Variants in CRB1 observed in about 807,000 individuals in gnomAD.
The protein encoded by CRB1 is crumbs cell polarity complex component 1, also known as protein crumbs homolog 1.
CRB1 carries 83 observed loss-of-function variants against 120.0 expected under a neutral mutation model. The ratio of observed to expected loss-of-function variants is 0.69; its 90% CI spans 0.58 to 0.83. The LOEUF is 0.83. CRB1 is among the 40% of genes least tolerant of loss of function. The pLI is 0.00. For missense variants in CRB1, 1,699 were observed against 1,687.6 expected (o/e 1.01, Z -0.12); for synonymous variants, 625 against 612.5 (o/e 1.02, Z -0.30).
chr1:197,469,891 T>G (rs538762451), intron 11 of CRB1, among the ~76,000 whole-genome samples: 3 of 152,260 alleles, frequency 2.0e-5, no homozygotes, highest in Non-Finnish European at 2.9e-5. Context: ...TGTTTGTTGA[T>G]TTCACAAAAA....
chr1:197,443,947 T>C (rs188550560), intron 11 of CRB1: 2 of 152,196 alleles, frequency 1.3e-5, no homozygotes, highest in Non-Finnish European at 2.9e-5. Flanking sequence ...TATGAATTAA[T>C]TCAGAAAGCA....
chr1:197,398,007 A>G (rs185244698), intron 5 of CRB1, among the ~76,000 whole-genome samples: 144 of 152,282 alleles, frequency 9.5e-4, no homozygotes, highest in African/African-American at 3.3e-3. Context: ...TGAGATGTCC[A>G]TCCTAACCCC....
intron 5 of CRB1, among the ~76,000 whole-genome samples, chr1:197,397,292 G>C (rs2759660): frequency 0.069 from 10,441 of 152,072 alleles, 1,254 homozygotes; most frequent in African/African-American, 0.24. Flanking sequence ...GAAGGAGAGA[G>C]AGTAGGTTAT....
chr1:197,219,454 A>G, the CRB1 span, among the ~76,000 whole-genome samples: 6 of 152,344 alleles, frequency 3.9e-5, no homozygotes, highest in Middle Eastern at 3.4e-3. Context: ...TAAAAGAGAC[A>G]ATCCATGAGA....
chr1:197,367,420 T>C (rs1281366213), intron 5 of CRB1, among the ~76,000 whole-genome samples: 2 of 152,180 alleles, frequency 1.3e-5, no homozygotes, highest in South Asian at 2.1e-4. Flanking sequence ...TTATGCCAGA[T>C]AGAAGTTAGT....
At chr1:197,242,176 T>G in the CRB1 span, among the ~76,000 whole-genome samples, 1 of 152,168 alleles carries the variant, frequency 6.6e-6, no homozygotes, top group Non-Finnish European at 1.5e-5. Context: ...ATACCCTTTA[T>G]TTCTTTATCT....
intron 5 of CRB1, among the ~76,000 whole-genome samples, chr1:197,397,878 TGTG>T (rs1662851630): frequency 6.6e-6 from 1 of 152,278 alleles, no homozygotes; most frequent in South Asian, 2.1e-4. Flanking sequence ...ACAGCTCGAT[TGTG>T]GTGGTAGTCG....
chr1:197,250,871 G>A, the CRB1 span, among the ~76,000 whole-genome samples: 1 of 151,878 alleles, frequency 6.6e-6, no homozygotes, highest in Non-Finnish European at 1.5e-5. Flanking sequence ...TCTTTCCCTT[G>A]TGTCTCCTGG....
At chr1:197,310,293 T>C (rs1486326073) in intron 1 of CRB1, among the ~76,000 whole-genome samples, 1 of 151,918 alleles carries the variant, frequency 6.6e-6, no homozygotes. Context: ...TAGAAAAATA[T>C]AAAAAAAACC....
intron 11 of CRB1, chr1:197,442,698 A>G: frequency 2.3e-6 from 1 of 435,194 alleles, no homozygotes. Context: ...CAACACTTCT[A>G]TATGTGAATG....
intron 1 of CRB1, among the ~76,000 whole-genome samples, chr1:197,284,965 T>G (rs374117479): frequency 6.6e-6 from 1 of 151,940 alleles, no homozygotes; most frequent in Admixed American, 6.6e-5. Context: ...TGAAATCATG[T>G]TGTGTTACAG....
chr1:197,283,076 A>C (rs892729769), intron 1 of CRB1, among the ~76,000 whole-genome samples: 1 of 151,678 alleles, frequency 6.6e-6, no homozygotes, highest in African/African-American at 2.4e-5. Flanking sequence ...CTTAGTCAAA[A>C]GGTCATTTTT....
At chr1:197,349,496 T>TA (rs1659966851) in intron 4 of CRB1, among the ~76,000 whole-genome samples, 1 of 152,254 alleles carries the variant, frequency 6.6e-6, no homozygotes, top group East Asian at 1.9e-4. Flanking sequence ...GGCCTAGTTA[T>TA]ATAAGCTTAC....
At chr1:197,312,412 A>C (rs1657585191) in intron 1 of CRB1, among the ~76,000 whole-genome samples, 1 of 152,160 alleles carries the variant, frequency 6.6e-6, no homozygotes. Context: ...AAAAATACAA[A>C]AAAACAAAAC....
At chr1:197,470,977 T>C (rs530688196) in intron 11 of CRB1, among the ~76,000 whole-genome samples, 1 of 152,364 alleles carries the variant, frequency 6.6e-6, no homozygotes, top group South Asian at 2.1e-4. Context: ...TTGTTTAACC[T>C]GGAACTAGAA....
chr1:197,477,777 G>T lies in CRB1; in HGVS notation c.4119G>T (p.Arg1373Ser). ...IVASVVTSNK[R>S]ATQGTYSPSR... is the part of the protein sequence containing the mutation. ...CTTCTGTTGTCACCTCCAACAAAAG[G>T]GCAACTCAGGGAACCTACAGCCCCA... The change falls in exon 12 of 12, where the codon AGG becomes AGT. Residue 1373 changes from arginine to serine, a missense_variant. Physicochemically the swap from Arg to Ser is moderately radical, Grantham distance 110 (BLOSUM62 -1). Coordinates refer to ENST00000367400, the MANE Select transcript of CRB1 (RefSeq NM_201253.3). The T allele has an allele frequency of 6.2e-7, 1 of 1,613,832 alleles. No homozygotes were observed.
chr1:197,283,077 G>A (rs1009748659), intron 1 of CRB1, among the ~76,000 whole-genome samples: 2 of 150,984 alleles, frequency 1.3e-5, no homozygotes, highest in Non-Finnish European at 3.0e-5. Context: ...TTAGTCAAAA[G>A]GTCATTTTTG....
intron 4 of CRB1, among the ~76,000 whole-genome samples, chr1:197,349,062 T>C (rs1000899510): frequency 3.9e-5 from 6 of 152,230 alleles, no homozygotes; most frequent in African/African-American, 1.4e-4. Flanking sequence ...CTATTCATGT[T>C]AGTACCCTAC....
At chr1:197,416,386 T>G (rs1664001133) in intron 5 of CRB1, among the ~76,000 whole-genome samples, 1 of 152,246 alleles carries the variant, frequency 6.6e-6, no homozygotes, top group African/African-American at 2.4e-5. Context: ...TCATATATTA[T>G]CGACATCTGC....
Sources: gnomAD v4.1 joint callset for allele counts (sites outside exome capture counted in the v4.1 genomes callset) on GRCh38, gnomAD v4.1.1 for gene constraint, MANE v1.5 for transcripts, NCBI Gene and HGNC (gene_info 2026-07-23, HGNC 2026-07-21) for gene names.